RARB: variants seen among roughly 807,000 people sequenced by gnomAD.
RARB encodes retinoic acid receptor beta, also known as HBV-activated protein.
Under a neutral mutation model 51.9 loss-of-function variants are expected in RARB, and 17 were observed. The ratio of observed to expected loss-of-function variants is 0.33; its 90% CI spans 0.22 to 0.49. RARB has a LOEUF of 0.49. RARB is among the 20% of genes least tolerant of loss of function. The pLI is 0.99. For missense variants in RARB, 369 were observed against 550.8 expected (o/e 0.67, Z 3.30); for synonymous variants, 215 against 195.4 (o/e 1.10, Z -0.84).
chr3:25,532,934 A>G (rs1470499757), intron 3 of RARB, among the ~76,000 whole-genome samples: 2 of 152,208 alleles, frequency 1.3e-5, no homozygotes, highest in Non-Finnish European at 2.9e-5. Context: ...CTTGAGTCCT[A>G]TGCTTGCAAT....
At chr3:25,241,301 G>T (rs940115679) in intron 5 of RARB, among the ~76,000 whole-genome samples, 2 of 152,060 alleles carry the variant, frequency 1.3e-5, no homozygotes, top group African/African-American at 2.4e-5. Flanking sequence ...AAAGTCTGTT[G>T]AGATTTGTTT....
At chr3:25,344,973 G>T (rs1170773941) in intron 5 of RARB, among the ~76,000 whole-genome samples, 1 of 152,128 alleles carries the variant, frequency 6.6e-6, no homozygotes, top group Admixed American at 6.5e-5. Context: ...ATACATTTAT[G>T]GTCTTAAGCA....
intron 2 of RARB, among the ~76,000 whole-genome samples, chr3:24,952,765 C>G (rs1050681536): frequency 3.9e-5 from 6 of 151,964 alleles, no homozygotes; most frequent in Admixed American, 3.3e-4. Flanking sequence ...CTGATAGATT[C>G]ATTACAAAAA....
chr3:25,219,675 A>C (rs1701904383), intron 5 of RARB, among the ~76,000 whole-genome samples: 1 of 152,158 alleles, frequency 6.6e-6, no homozygotes, highest in South Asian at 2.1e-4. Flanking sequence ...CAAATTAAGC[A>C]TGTGCTCACT....
At chr3:25,350,850 G>A (rs555479851) in intron 5 of RARB, among the ~76,000 whole-genome samples, 178 of 152,298 alleles carry the variant, frequency 1.2e-3, no homozygotes, top group African/African-American at 4.0e-3. Flanking sequence ...TAGAGCCTGG[G>A]CTGCATGTCC....
chr3:25,030,941 C>A (rs189831968), intron 2 of RARB, among the ~76,000 whole-genome samples: 2 of 152,284 alleles, frequency 1.3e-5, no homozygotes, highest in Admixed American at 1.3e-4. Context: ...TATTCTCATC[C>A]CCAGGTATTT....
intron 5 of RARB, among the ~76,000 whole-genome samples, chr3:25,183,361 GA>G: frequency 6.6e-6 from 1 of 152,146 alleles, no homozygotes; most frequent in South Asian, 2.1e-4. Flanking sequence ...CAATTTTTCA[GA>G]ATGAATTTCT....
chr3:25,439,360 A>G (rs534379861), intron 1 of RARB, among the ~76,000 whole-genome samples: 2 of 152,340 alleles, frequency 1.3e-5, no homozygotes, highest in Admixed American at 6.5e-5. Flanking sequence ...AGTGCATCTA[A>G]TTGGCCTCTC....
Position 25,403,234 on chromosome 3 carries a change from CCATTGTA to C in RARB, c.179-57954_179-57948del, listed in dbSNP as rs1409055240. On this transcript the variant is annotated intron_variant, in intron 5 of 11. Transcript: ENST00000383772. ...AGGGTGACTGTAGTCAGTAATAACT[CCATTGTA>C]CATTTTAAAATAAAGAGTGTAATTG... Among the ~76,000 whole-genome samples, 7 of 151,594 alleles carry C rather than the reference CCATTGTA, an allele frequency of 4.6e-5. No individual in the cohort carries two copies. The East Asian group carries it at 1.2e-3, about 25-fold the overall frequency.
At chr3:24,900,011 A>G (rs938520576) in intron 2 of RARB, among the ~76,000 whole-genome samples, 4 of 152,024 alleles carry the variant, frequency 2.6e-5, no homozygotes, top group African/African-American at 9.7e-5. Context: ...TTTCATTTGG[A>G]CAGCAACCAT....
chr3:25,470,912 G>A (rs181262967), intron 2 of RARB, among the ~76,000 whole-genome samples: 1 of 152,100 alleles, frequency 6.6e-6, no homozygotes, highest in African/African-American at 2.4e-5. Flanking sequence ...CTTATTACTA[G>A]GGCTTTGCAT....
At chr3:25,024,632 C>T (rs964493572) in intron 2 of RARB, among the ~76,000 whole-genome samples, 3 of 151,998 alleles carry the variant, frequency 2.0e-5, no homozygotes, top group African/African-American at 4.8e-5. Context: ...ACAGTTTTTT[C>T]AGCTGCAACA....
chr3:24,931,325 C>A (rs1296704678), intron 2 of RARB, among the ~76,000 whole-genome samples: 3 of 152,094 alleles, frequency 2.0e-5, no homozygotes, highest in Non-Finnish European at 2.9e-5. Context: ...CAAGGCAAAG[C>A]TTACAGTTCT....
chr3:25,455,665 C>T (rs1694871251), intron 1 of RARB, among the ~76,000 whole-genome samples: 1 of 152,226 alleles, frequency 6.6e-6, no homozygotes, highest in Admixed American at 6.5e-5. Flanking sequence ...GCCCTCTCAG[C>T]ATCACTGGTG....
chr3:24,858,109 A>G (rs1702668664), intron 1 of RARB, among the ~76,000 whole-genome samples: 1 of 152,258 alleles, frequency 6.6e-6, no homozygotes, highest in Non-Finnish European at 1.5e-5. Flanking sequence ...TGTTAGGATT[A>G]GAAACTATTG....
rs866585098 is a variant in RARB at position 25,143,068 on chromosome 3, G to A, written c.-280+10860G>A. ...AGCTGAGGGGCATTTATTCTGAGTA[G>A]AAGTTAGCCTGGAGTATCCAGTGAT... On this transcript the variant is annotated intron_variant, in intron 4 of 11. Coordinates refer to the RARB transcript ENST00000383772. Among the ~76,000 whole-genome samples, 11 of 152,294 alleles carry A rather than the reference G, an allele frequency of 7.2e-5. No homozygotes were observed. In the South Asian group the frequency reaches 2.3e-3, roughly 32 times the overall value.
chr3:25,020,298 A>AAC (rs1697606477), intron 2 of RARB: 1 of 152,050 alleles, frequency 6.6e-6, no homozygotes, highest in Non-Finnish European at 1.5e-5. Context: ...CTCCTTAGGC[A>AAC]ACCTGGCAGT....
intron 2 of RARB, among the ~76,000 whole-genome samples, chr3:24,961,835 T>C (rs766750529): frequency 1.3e-5 from 2 of 151,862 alleles, no homozygotes; most frequent in Non-Finnish European, 2.9e-5. Flanking sequence ...ACATAATGTC[T>C]ATAAAAACAA....
At chr3:25,585,107 C>T (rs1220727876) in intron 5 of RARB, among the ~76,000 whole-genome samples, 1 of 152,184 alleles carries the variant, frequency 6.6e-6, no homozygotes, top group Non-Finnish European at 1.5e-5. Context: ...GGGAAAGTTA[C>T]TTCCCTCTCT....
Sources: gnomAD v4.1 joint callset for allele counts (sites outside exome capture counted in the v4.1 genomes callset) on GRCh38, gnomAD v4.1.1 for gene constraint, MANE v1.5 for transcripts, NCBI Gene and HGNC (gene_info 2026-07-23, HGNC 2026-07-21) for gene names.